Variants in IQANK1 observed in about 807,000 individuals in gnomAD.
IQANK1 encodes IQ motif and ankyrin repeat containing 1.
Under a neutral mutation model 22.6 loss-of-function variants are expected in IQANK1, and 30 were observed. That is an observed-to-expected ratio of 1.33 (90% CI 0.99 to 1.80). The LOEUF (loss-of-function observed/expected upper bound fraction) is 1.80. Ranked by LOEUF, IQANK1 falls within the 40% of genes most tolerant of loss-of-function variation. IQANK1 has a pLI of 0.00. For missense variants in IQANK1, 275 were observed against 235.2 expected (o/e 1.17, Z -1.11); for synonymous variants, 122 against 99.6 (o/e 1.23, Z -1.34).
At chr8:143,753,797 A>G (rs1420016527) in intron 3 of IQANK1, among the ~76,000 whole-genome samples, 1 of 152,014 alleles carries the variant, frequency 6.6e-6, no homozygotes, top group East Asian at 1.9e-4. Context: ...TTTTCCTTTG[A>G]ATTGGCCATA....
At chr8:143,787,348 T>C (rs541639648) in intron 7 of IQANK1, among the ~76,000 whole-genome samples, 52 of 152,226 alleles carry the variant, frequency 3.4e-4, no homozygotes, top group African/African-American at 1.2e-3. Flanking sequence ...ATCCATCAGG[T>C]GGCCGTGGAG....
At position 143,789,743 on chromosome 8, in the gene IQANK1, T is replaced by C; in HGVS notation, c.1087-18T>C. On this transcript the variant is annotated intron_variant, in intron 10 of 13. Transcript: ENST00000527139. ...GCATGGGGCAGGGCAAGCAAGTCAG[T>C]GTGGCCTCCTCCTCCAGGCCATCAA... is the stretch of plus-strand genomic sequence containing the variant. The C allele has an allele frequency of 8.1e-7, 1 of 1,230,350 alleles. No individual in the cohort carries two copies. 76.2% of individuals were successfully genotyped at this position (1,230,350 alleles called of 1,614,324 possible).
At chr8:143,738,896 C>G (rs191646102) in intron 2 of IQANK1, among the ~76,000 whole-genome samples, 1 of 152,230 alleles carries the variant, frequency 6.6e-6, no homozygotes, top group Non-Finnish European at 1.5e-5. Context: ...GCAGCTAGCA[C>G]GCCCACAGGA....
intron 3 of IQANK1, among the ~76,000 whole-genome samples, chr8:143,753,874 G>A (rs969766391): frequency 6.6e-6 from 1 of 152,002 alleles, no homozygotes; most frequent in African/African-American, 2.4e-5. Flanking sequence ...CTAATAATGT[G>A]GTAACTCTGG....
chr8:143,737,836 C>T (rs1818783149), intron 2 of IQANK1, among the ~76,000 whole-genome samples: 1 of 152,242 alleles, frequency 6.6e-6, no homozygotes. Flanking sequence ...GCTGGACCTG[C>T]CGCCACCGGT....
intron 3 of IQANK1, chr8:143,742,445 G>T (rs1485898347): frequency 2.2e-6 from 1 of 455,934 alleles, no homozygotes; most frequent in Admixed American, 2.3e-5. Flanking sequence ...CATCTGAGCT[G>T]CAAAAGGGGC....
chr8:143,743,030 G>A (rs576548693), intron 3 of IQANK1: 4 of 456,016 alleles, frequency 8.8e-6, no homozygotes, highest in African/African-American at 2.0e-5. Flanking sequence ...AGATGCCCAG[G>A]AGATGGGGGG....
rs56864621 is a variant in IQANK1 at position 143,785,725 on chromosome 8, A to ATT, written c.790-3176_790-3175dup. On this transcript the variant is annotated intron_variant, in intron 7 of 13. Transcript: ENST00000527139. ...CAGGCTTGAGCCACCATGCCCAGCT[A>ATT]TTTTTTTTTTTTTTTCTCTGAGATG... Among the ~76,000 whole-genome samples, 285 of 133,236 alleles carry ATT rather than the reference A, an allele frequency of 2.1e-3. 6 individuals carry two copies. Among genetic ancestry groups the ATT allele is most frequent in the Middle Eastern group, 3.8e-3 (1 of 266 alleles). The allele number at this position is 133,236 out of a possible 152,430, so 87.4% of individuals were successfully genotyped here.
rs181655918 is a variant in IQANK1 at position 143,756,305 on chromosome 8, G to A, written c.176-15183G>A. ...GCTTCTCATTGCCAGGCACACTCCTGACTTAAGGCTGGAGCTCAGTACACC... is the reference window on the plus strand; with the variant it reads ...GCTTCTCATTGCCAGGCACACTCCTAACTTAAGGCTGGAGCTCAGTACACC... On this transcript the variant is annotated intron_variant, in intron 3 of 13. Coordinates refer to ENST00000527139, the MANE Select transcript of IQANK1 (RefSeq NM_001381874.1). 5.5e-3 allele frequency among the ~76,000 whole-genome samples: 838 copies of A among 152,246 alleles called. 2 individuals are homozygous for A. The highest frequency in any genetic ancestry group is 8.9e-3 in the Non-Finnish European group (602 of 68,016).
chr8:143,765,135 C>A (rs1452971263), intron 3 of IQANK1, among the ~76,000 whole-genome samples: 2 of 152,280 alleles, frequency 1.3e-5, no homozygotes, highest in African/African-American at 4.8e-5. Flanking sequence ...GCGGGCAGAT[C>A]CCTTGAGGTC....
In IQANK1 at chr8:143,790,449, G is replaced by A. The variant is rs1252838146; in HGVS notation, c.1524G>A (p.Leu508=). The A allele has an allele frequency of 2.0e-6, 1 of 488,238 alleles. No homozygotes were observed. The highest frequency in any genetic ancestry group is 3.2e-6 in the Non-Finnish European group (1 of 308,330). The allele number at this position is 488,238 out of a possible 1,614,324, so 30.2% of individuals were successfully genotyped here. A position where few individuals can be genotyped will look rare whatever the true frequency, so the allele number is the denominator to read the frequency against. ...EAVQERYLSL[L]RPTDGPEYSP... ...TGCAGGAGAGGTACCTGTCGCTGCT[G>A]CGGCCCACGGACGGGCCTGAGTATA... The change falls in exon 14 of 14, where the codon CTG becomes CTA. Residue 508 remains leucine (L), a synonymous_variant. Transcript: ENST00000527139.
At chr8:143,753,855 C>T (rs1819240071) in intron 3 of IQANK1, among the ~76,000 whole-genome samples, 1 of 152,134 alleles carries the variant, frequency 6.6e-6, no homozygotes, top group African/African-American at 2.4e-5. Context: ...GAAAACTGGA[C>T]ATTTGAATCT....
At chr8:143,765,388 T>C (rs1819466316) in intron 3 of IQANK1, among the ~76,000 whole-genome samples, 2 of 152,230 alleles carry the variant, frequency 1.3e-5, no homozygotes, top group African/African-American at 2.4e-5. Flanking sequence ...TATGATTATA[T>C]ATAATCCTCT....
Position 143,790,281 on chromosome 8 carries a change from G to A in IQANK1, c.1424+10G>A. ...TGCTGGGGGCTCTGCGGTGAGGCAG[G>A]CAGGGTGACAGGTACACCCCACCCC... On this transcript the variant is annotated intron_variant, in intron 13 of 13. Coordinates refer to ENST00000527139, the MANE Select transcript of IQANK1 (RefSeq NM_001381874.1). The A allele has an allele frequency of 8.1e-7, 1 of 1,232,180 alleles. No individual in the cohort carries two copies. The allele number at this position is 1,232,180 out of a possible 1,614,324, so 76.3% of individuals were successfully genotyped here.
intron 3 of IQANK1, among the ~76,000 whole-genome samples, chr8:143,767,541 TAG>T (rs1288496738): frequency 1.3e-5 from 2 of 152,186 alleles, no homozygotes; most frequent in African/African-American, 4.8e-5. Flanking sequence ...ACATCTTACA[TAG>T]AGACAGTACA....
At chr8:143,740,846 G>A (rs1818890935) in intron 3 of IQANK1, among the ~76,000 whole-genome samples, 1 of 152,274 alleles carries the variant, frequency 6.6e-6, no homozygotes, top group Non-Finnish European at 1.5e-5. Context: ...AGTAGTGGCA[G>A]TTGTTTGATA....
At chr8:143,745,855 G>C (rs1819017624) in intron 3 of IQANK1, 1 of 152,216 alleles carries the variant, frequency 6.6e-6, no homozygotes, top group Non-Finnish European at 1.5e-5. Flanking sequence ...GGCTCAAGCA[G>C]TGCTCCAACC....
At chr8:143,748,557 TA>T (rs1819082328) in intron 3 of IQANK1, among the ~76,000 whole-genome samples, 1 of 122,246 alleles carries the variant, frequency 8.2e-6, no homozygotes, top group South Asian at 2.3e-4. Context: ...TAAATATAGA[TA>T]TATATATCAT....
chr8:143,776,017 T>C (rs112051394), intron 7 of IQANK1, among the ~76,000 whole-genome samples: 6,017 of 145,362 alleles, frequency 0.041, 360 homozygotes, highest in African/African-American at 0.15. Context: ...CCGGGCGCGG[T>C]GGCTCACGCC....
Sources: gnomAD v4.1 joint callset for allele counts (sites outside exome capture counted in the v4.1 genomes callset) on GRCh38, gnomAD v4.1.1 for gene constraint, MANE v1.5 for transcripts, NCBI Gene and HGNC (gene_info 2026-07-23, HGNC 2026-07-21) for gene names.